Variants in STXBP4 observed in about 807,000 individuals in gnomAD.
STXBP4 encodes syntaxin-binding protein 4.
Under a neutral mutation model 76.1 loss-of-function variants are expected in STXBP4, and 55 were observed. That is an observed-to-expected ratio of 0.72 (90% confidence interval 0.58 to 0.91). The LOEUF is 0.91. Among genes scored for constraint, STXBP4 ranks in the 40% least tolerant of loss-of-function variants. STXBP4 has a pLI of 0.00. For synonymous variants in STXBP4, 201 were observed against 220.2 expected (o/e 0.91, Z 0.77); for missense variants, 618 against 636.9 (o/e 0.97, Z 0.32).
At chr17:55,041,388 G>C (rs1332178576) in intron 10 of STXBP4, among the ~76,000 whole-genome samples, 1 of 151,702 alleles carries the variant, frequency 6.6e-6, no homozygotes, top group East Asian at 1.9e-4. Context: ...GGCTAATTTT[G>C]TTTATTTTTT....
chr17:54,991,720 A>G lies in STXBP4; in HGVS notation c.180+763A>G, dbSNP rs935544781. On this transcript the variant is annotated intron_variant, in intron 4 of 17. Transcript: ENST00000376352. The stretch of plus-strand genomic sequence containing the variant: ...ATTTAATAAAATTATATTAATAATT[A>G]AGAATTAATAAAATTAATAAAATAT... 4.6e-5 allele frequency: 7 copies of G among 150,752 alleles called. No individual in the cohort carries two copies. The East Asian group carries it at 1.4e-3, about 29-fold the overall frequency. The allele number at this position is 150,752 out of a possible 1,614,324, so 9.3% of individuals were successfully genotyped here.
chr17:55,120,340 C>T (rs1197269511), intron 16 of STXBP4, among the ~76,000 whole-genome samples: 5 of 152,186 alleles, frequency 3.3e-5, no homozygotes, highest in African/African-American at 1.2e-4. Context: ...CACGTTCACA[C>T]AAATGTTGGA....
chr17:55,052,098 A>T (rs919042204), intron 12 of STXBP4, among the ~76,000 whole-genome samples: 1 of 152,208 alleles, frequency 6.6e-6, no homozygotes, highest in Non-Finnish European at 1.5e-5. Flanking sequence ...GCTAAGAAAC[A>T]GACACCCTAA....
intron 16 of STXBP4, 54 bp downstream of exon 16, chr17:55,081,237 A>G: frequency 7.5e-7 from 1 of 1,328,408 alleles, no homozygotes; most frequent in Non-Finnish European, 9.7e-7. Context: ...AACAAAACAA[A>G]TTGAAGTCAG....
chr17:55,044,369 GA>G (rs1465258538), intron 11 of STXBP4: 1 of 151,512 alleles, frequency 6.6e-6, no homozygotes, highest in Non-Finnish European at 1.5e-5. Flanking sequence ...TTATTAAATA[GA>G]AAATATTTAC....
At chr17:55,126,564 G>T (rs2079915385) in intron 16 of STXBP4, among the ~76,000 whole-genome samples, 1 of 152,170 alleles carries the variant, frequency 6.6e-6, no homozygotes, top group Admixed American at 6.5e-5. Context: ...GTAAGCATTT[G>T]TGAAAATTCA....
At chr17:55,049,325 T>C (rs1334992467) in intron 12 of STXBP4, among the ~76,000 whole-genome samples, 2 of 152,000 alleles carry the variant, frequency 1.3e-5, no homozygotes, top group Non-Finnish European at 2.9e-5. Context: ...GAACTTCATA[T>C]ATTTTATTGT....
chr17:55,077,081 A>G (rs1393709014), intron 13 of STXBP4, among the ~76,000 whole-genome samples: 1 of 152,112 alleles, frequency 6.6e-6, no homozygotes, highest in African/African-American at 2.4e-5. Context: ...TAATTGCCTT[A>G]TATTTTGTAT....
chr17:54,979,895 A>G (rs2077524922), intron 1 of STXBP4, among the ~76,000 whole-genome samples: 1 of 152,184 alleles, frequency 6.6e-6, no homozygotes, highest in Admixed American at 6.5e-5. Context: ...AGTAAATATA[A>G]AAGTACTCTG....
intron 12 of STXBP4, among the ~76,000 whole-genome samples, chr17:55,056,675 C>G (rs1213914295): frequency 6.6e-6 from 1 of 152,110 alleles, no homozygotes; most frequent in African/African-American, 2.4e-5. Flanking sequence ...GCACTCCAGC[C>G]TGGGCAACAG....
chr17:55,022,133 G>A (rs1424065219), intron 8 of STXBP4, among the ~76,000 whole-genome samples: 1 of 150,670 alleles, frequency 6.6e-6, no homozygotes, highest in African/African-American at 2.4e-5. Context: ...TTTTAAAATA[G>A]TTTTGTTCAT....
At chr17:55,153,565 AT>A (rs1555593788) in intron 17 of STXBP4, among the ~76,000 whole-genome samples, 3 of 150,184 alleles carry the variant, frequency 2.0e-5, no homozygotes, top group Non-Finnish European at 4.5e-5. Flanking sequence ...TAGTTGAAAA[AT>A]ATGTTTTAAA....
Position 54,999,493 on chromosome 17 carries a change from G to A in STXBP4, c.287+42G>A, listed in dbSNP as rs199663894. 138 of 1,541,776 alleles carry A rather than the reference G, an allele frequency of 9.0e-5. No homozygotes were observed. In the East Asian group the frequency reaches 3.0e-3, roughly 33 times the overall value. On this transcript the variant is annotated intron_variant, in intron 5 of 17. Transcript: ENST00000376352. ...TGAGATAGAATGAGTCATTTAGAAT[G>A]TCTCCTTGAAAGCAGTAATTTAAGA...
chr17:55,156,247 A>G (rs1295770784), intron 17 of STXBP4, among the ~76,000 whole-genome samples: 2 of 152,212 alleles, frequency 1.3e-5, no homozygotes, highest in Non-Finnish European at 2.9e-5. Context: ...TATTAATTAA[A>G]CAATCAACAG....
At chr17:55,093,249 C>CA (rs1399331404) in intron 16 of STXBP4, among the ~76,000 whole-genome samples, 10 of 152,118 alleles carry the variant, frequency 6.6e-5, no homozygotes, top group African/African-American at 2.4e-4. Flanking sequence ...CTCGGCCTCC[C>CA]AAAGTGCTGG....
At chr17:54,969,418 A>G (rs1345963489) in intron 1 of STXBP4, among the ~76,000 whole-genome samples, 1 of 152,230 alleles carries the variant, frequency 6.6e-6, no homozygotes, top group East Asian at 1.9e-4. Context: ...TCTAGAAACT[A>G]TAAAATAGCA....
At chr17:55,210,790 C>G in the STXBP4 span, among the ~76,000 whole-genome samples, 1 of 152,156 alleles carries the variant, frequency 6.6e-6, no homozygotes, top group Admixed American at 6.5e-5. Flanking sequence ...ATGGGCCCTG[C>G]TCTTTTTCAT....
chr17:55,099,321 T>C (rs903314906), intron 16 of STXBP4, among the ~76,000 whole-genome samples: 1 of 152,252 alleles, frequency 6.6e-6, no homozygotes, highest in African/African-American at 2.4e-5. Context: ...ATGTATTGGT[T>C]AATGACAAGG....
At chr17:55,137,066 G>A (rs2080036990) in intron 16 of STXBP4, among the ~76,000 whole-genome samples, 1 of 152,008 alleles carries the variant, frequency 6.6e-6, no homozygotes, top group African/African-American at 2.4e-5. Flanking sequence ...CTATATAAAT[G>A]ACAAATCTAT....
Sources: gnomAD v4.1 joint callset for allele counts (sites outside exome capture counted in the v4.1 genomes callset) on GRCh38, gnomAD v4.1.1 for gene constraint, MANE v1.5 for transcripts, NCBI Gene and HGNC (gene_info 2026-07-23, HGNC 2026-07-21) for gene names.